RAPGEF2: variants seen among roughly 807,000 people sequenced by gnomAD.
RAPGEF2 encodes the protein PDZ domain containing guanine nucleotide exchange factor (GEF) 1.
A neutral mutation model predicts 186.7 loss-of-function variants in RAPGEF2; 54 were observed. The observed-to-expected ratio is 0.29, with a 90% CI of 0.23 to 0.36. The LOEUF (loss-of-function observed/expected upper bound fraction) is 0.36. Among genes scored for constraint, RAPGEF2 ranks in the 10% least tolerant of loss-of-function variants. RAPGEF2 has a pLI of 1.00. For missense variants in RAPGEF2, 1,532 were observed against 2,045.0 expected, an observed-to-expected ratio of 0.75 and a Z score of 4.84; for synonymous variants, 712 against 705.9, an observed-to-expected ratio of 1.01 and a Z score of -0.14.
intron 6 of RAPGEF2, among the ~76,000 whole-genome samples, chr4:159,242,376 A>C (rs2111480513): frequency 6.6e-6 from 1 of 152,058 alleles, no homozygotes; most frequent in South Asian, 2.1e-4. Context: ...CCTGCAAATA[A>C]GTATAAATAC....
chr4:159,141,091 G>A (rs543241794), intron 1 of RAPGEF2, among the ~76,000 whole-genome samples: 4 of 152,110 alleles, frequency 2.6e-5, no homozygotes, highest in Admixed American at 2.0e-4. Flanking sequence ...GAGATGCTGC[G>A]CCTGGCCTAA....
chr4:159,118,350 C>G (rs1486423982), intron 1 of RAPGEF2, among the ~76,000 whole-genome samples: 1 of 152,120 alleles, frequency 6.6e-6, no homozygotes, highest in East Asian at 1.9e-4. Flanking sequence ...CCCATCATCC[C>G]CTAGTTGCAG....
At chr4:159,152,435 C>A (rs1205855480) in intron 1 of RAPGEF2, among the ~76,000 whole-genome samples, 1 of 152,150 alleles carries the variant, frequency 6.6e-6, no homozygotes, top group East Asian at 1.9e-4. Context: ...CTATGAAATT[C>A]TTTTGCATTG....
rs1014795210 is a variant in RAPGEF2 at position 159,135,602 on chromosome 4, T to C, written c.69+31371T>C. 4.6e-5 allele frequency among the ~76,000 whole-genome samples: 7 copies of C among 152,196 alleles called. 1 individual carries two copies. In the South Asian group the frequency reaches 8.3e-4, roughly 18 times the overall value. On this transcript the variant is annotated intron_variant, in intron 1 of 29. Coordinates refer to ENST00000691494, the MANE Select transcript of RAPGEF2 (RefSeq NM_001394067.2). ...ATATTTTGTCCCCATTTTAATTTCT[T>C]TCTTTTCTTTTTTTGAGACGGAGTT...
At chr4:159,235,225 T>A (rs1753114366) in intron 4 of RAPGEF2, among the ~76,000 whole-genome samples, 1 of 152,212 alleles carries the variant, frequency 6.6e-6, no homozygotes, top group Non-Finnish European at 1.5e-5. Context: ...GCATTGTAAT[T>A]ATTGTTTTTG....
chr4:159,351,152 A>G (rs1255910677), intron 26 of RAPGEF2: 4 of 1,535,506 alleles, frequency 2.6e-6, no homozygotes, highest in Non-Finnish European at 3.5e-6. Context: ...AGTAACAAGA[A>G]TAACAATGCA....
In RAPGEF2 at chr4:159,359,435, T is replaced by C. The variant is rs1487614838; in HGVS notation, c.*1296T>C. ...AGGCCTAAGTGTAGCAACCATCTGC[T>C]CACAGCTGCTATTAACCCTATAATG... is the stretch of plus-strand genomic sequence containing the variant. On this transcript the variant is annotated 3_prime_UTR_variant, in exon 30 of 30. Coordinates refer to ENST00000691494, the MANE Select transcript of RAPGEF2 (RefSeq NM_001394067.2). 1.3e-5 allele frequency: 2 copies of C among 152,182 alleles called. No individual in the cohort carries two copies. The highest frequency in any genetic ancestry group is 3.9e-4 in the East Asian group (2 of 5,194). The allele number at this position is 152,182 out of a possible 1,614,324, so 9.4% of individuals were successfully genotyped here. A position where few individuals can be genotyped will look rare whatever the true frequency, so the allele number is the denominator to read the frequency against.
At position 159,330,636 on chromosome 4, in the gene RAPGEF2, CAA is replaced by C. The variant is rs777069865; in HGVS notation, c.1467+144_1467+145del. ...AATGTAATTCTGAAGCAAAAAAAAA[CAA>C]AAAAACAAAAAAAAAGGTGATACAA... On this transcript the variant is annotated intron_variant, in intron 13 of 29. Transcript: ENST00000691494. The C allele has an allele frequency of 1.8e-5, 10 of 571,026 alleles. No homozygotes were observed. In the Admixed American group the frequency reaches 2.1e-4, roughly 12 times the overall value. The allele number at this position is 571,026 out of a possible 1,614,324, so 35.4% of individuals were successfully genotyped here. A position where few individuals can be genotyped will look rare whatever the true frequency, so the allele number is the denominator to read the frequency against.
chr4:159,229,287 G>A (rs1363769004), intron 4 of RAPGEF2: 2 of 152,198 alleles, frequency 1.3e-5, no homozygotes, highest in Non-Finnish European at 2.9e-5. Flanking sequence ...GCATTCCACT[G>A]GGTAGTTCTG....
intron 26 of RAPGEF2, among the ~76,000 whole-genome samples, chr4:159,351,903 A>G (rs552950234): frequency 3.9e-5 from 6 of 152,344 alleles, no homozygotes; most frequent in Admixed American, 3.3e-4. Context: ...GTGAGCCAAG[A>G]TCCCGCCACT....
At chr4:159,356,258 G>C in intron 29 of RAPGEF2, 100 bp downstream of exon 29, 1 of 1,235,910 alleles carries the variant, frequency 8.1e-7, no homozygotes, top group Non-Finnish European at 1.1e-6. Flanking sequence ...AGTCAGCTAT[G>C]TCTAACCATA....
intron 7 of RAPGEF2, among the ~76,000 whole-genome samples, chr4:159,295,122 A>C (rs1761775790): frequency 6.6e-6 from 1 of 152,222 alleles, no homozygotes. Flanking sequence ...CCCCAAAGCT[A>C]TCGCAGTAAT....
At chr4:159,254,224 A>G (rs1396220485) in intron 7 of RAPGEF2, among the ~76,000 whole-genome samples, 1 of 152,242 alleles carries the variant, frequency 6.6e-6, no homozygotes, top group Non-Finnish European at 1.5e-5. Context: ...TATTGGTAAT[A>G]ACAGTAGTTA....
intron 17 of RAPGEF2, among the ~76,000 whole-genome samples, chr4:159,334,885 T>A (rs541151589): frequency 5.4e-4 from 83 of 152,310 alleles, no homozygotes; most frequent in African/African-American, 1.9e-3. Flanking sequence ...TATGGCTCAT[T>A]TAAAGATTTA....
In RAPGEF2 at chr4:159,172,195, T is replaced by C. The variant is rs115661675; in HGVS notation, c.70-14447T>C. 7.1e-3 allele frequency among the ~76,000 whole-genome samples: 1,077 copies of C among 152,306 alleles called. 9 individuals are homozygous for C. The highest frequency in any genetic ancestry group is 0.024 in the African/African-American group (1,011 of 41,554). On this transcript the variant is annotated intron_variant, in intron 1 of 29. Coordinates refer to ENST00000691494, the MANE Select transcript of RAPGEF2 (RefSeq NM_001394067.2). ...TTGGAACCTTTTCACTAGCCTTCTT[T>C]GAAATCTTTTACCAAGAAAATATTT...
chr4:159,123,766 C>T (rs1297673056), intron 1 of RAPGEF2, among the ~76,000 whole-genome samples: 2 of 152,026 alleles, frequency 1.3e-5, no homozygotes, highest in African/African-American at 4.8e-5. Flanking sequence ...GATCTACCTG[C>T]CTCGACCTCC....
intron 1 of RAPGEF2, among the ~76,000 whole-genome samples, chr4:159,175,018 A>G (rs549622011): frequency 1.3e-5 from 2 of 152,134 alleles, no homozygotes; most frequent in Non-Finnish European, 2.9e-5. Context: ...GATTACATAT[A>G]TGGCTGCACT....
intron 8 of RAPGEF2, among the ~76,000 whole-genome samples, chr4:159,305,906 G>A (rs577762770): frequency 3.9e-5 from 6 of 152,126 alleles, no homozygotes; most frequent in East Asian, 1.9e-4. Context: ...ACCATTTATC[G>A]AAAAGGGTGG....
intron 1 of RAPGEF2, among the ~76,000 whole-genome samples, chr4:159,129,986 T>C (rs1740837919): frequency 6.6e-6 from 1 of 152,224 alleles, no homozygotes; most frequent in African/African-American, 2.4e-5. Context: ...TTATGAGTTT[T>C]CCTGGAAAGG....
Sources: allele counts gnomAD v4.1 joint callset (sites outside exome capture counted in the v4.1 genomes callset), GRCh38; gene constraint gnomAD v4.1.1; transcripts MANE v1.5; gene names NCBI Gene and HGNC (gene_info 2026-07-23, HGNC 2026-07-21).